The following GPR176 variants were observed in gnomAD, a reference collection of about 807,000 sequenced individuals.
GPR176 encodes the protein G-protein coupled receptor 176.
A neutral mutation model predicts 35.4 loss-of-function variants in GPR176; 26 were observed. The ratio of observed to expected loss-of-function variants is 0.74; its 90% CI spans 0.54 to 1.02. The LOEUF is 1.02. Among genes scored for constraint, GPR176 ranks in the 50% least tolerant of loss-of-function variants. The pLI is 0.00. For missense variants in GPR176, 597 were observed against 665.3 expected, an observed-to-expected ratio of 0.90 and a Z score of 1.13; for synonymous variants, 278 against 271.3, an observed-to-expected ratio of 1.02 and a Z score of -0.24.
At chr15:39,898,106 TATC>T (rs763971333) in intron 1 of GPR176, among the ~76,000 whole-genome samples, 1 of 152,102 alleles carries the variant, frequency 6.6e-6, no homozygotes, top group Non-Finnish European at 1.5e-5. Context: ...TAAAACTTAT[TATC>T]TTTATTTTAT....
chr15:39,802,339 G>T, intron 2 of GPR176, 85 bp from the exon 3 acceptor site: 1 of 1,066,030 alleles, frequency 9.4e-7, no homozygotes, highest in Non-Finnish European at 1.3e-6. Flanking sequence ...AGATGAGAGG[G>T]AAGAAAGGTC....
At chr15:39,898,271 CTT>C (rs1461885430) in intron 1 of GPR176, among the ~76,000 whole-genome samples, 3 of 151,894 alleles carry the variant, frequency 2.0e-5, no homozygotes, top group African/African-American at 7.3e-5. Context: ...TTTACGGTGA[CTT>C]TGCCAAGTTA....
At chr15:39,883,371 C>T (rs1595504636) in intron 1 of GPR176, among the ~76,000 whole-genome samples, 1 of 152,000 alleles carries the variant, frequency 6.6e-6, no homozygotes, top group East Asian at 1.9e-4. Context: ...AATTTTCAAG[C>T]ATGCTTTTTA....
At chr15:39,895,113 G>A (rs564951440) in intron 1 of GPR176, among the ~76,000 whole-genome samples, 1 of 152,182 alleles carries the variant, frequency 6.6e-6, no homozygotes, top group African/African-American at 2.4e-5. Flanking sequence ...GCAGGTACTC[G>A]GCAGGCTGAG....
chr15:39,806,969 T>TAA, intron 2 of GPR176, 37 bp downstream of exon 2: 10 of 1,413,850 alleles, frequency 7.1e-6, no homozygotes, highest in South Asian at 1.4e-5. Flanking sequence ...TAATACAACT[T>TAA]AAAAAAAAAA....
At chr15:39,870,087 T>C (rs891182603) in intron 1 of GPR176, among the ~76,000 whole-genome samples, 9 of 152,194 alleles carry the variant, frequency 5.9e-5, no homozygotes, top group Non-Finnish European at 8.8e-5. Context: ...TCCTTGCTGT[T>C]CTGCTTCTGA....
intron 1 of GPR176, among the ~76,000 whole-genome samples, chr15:39,828,280 G>C (rs1900820237): frequency 6.6e-6 from 1 of 152,210 alleles, no homozygotes; most frequent in Non-Finnish European, 1.5e-5. Context: ...GTCTGTGTGG[G>C]AAAGGCAGGA....
Position 39,801,216 on chromosome 15 carries a change from CT to C in GPR176, c.1463del (p.Gln488ArgfsTer7). On this transcript the variant is annotated frameshift_variant, in exon 3 of 3. Transcript: ENST00000561100. LOFTEE classifies it high-confidence loss of function. ...PLGNTPEELI[Q>X]TKVPKVGRVE... ...CCCTGCCTACCTTGGGCACCTTTGT[CT>C]GGATCAGCTCTTCTGGGGTGTTGCC... The C allele has an allele frequency of 6.2e-7, 1 of 1,614,172 alleles. No homozygotes were observed. Among genetic ancestry groups the C allele is most frequent in the Non-Finnish European group, 8.5e-7 (1 of 1,179,992 alleles).
At chr15:39,820,597 T>C (rs1361648930) in intron 1 of GPR176, among the ~76,000 whole-genome samples, 1 of 152,176 alleles carries the variant, frequency 6.6e-6, no homozygotes. Flanking sequence ...TAGTAATATA[T>C]ATAATTCTAG....
At chr15:39,807,722 T>C (rs1899292857) in intron 1 of GPR176, 8 of 597,592 alleles carry the variant, frequency 1.3e-5, no homozygotes, top group Admixed American at 5.4e-5. Context: ...ATTTTAATAA[T>C]ATTTTTTATT....
chr15:39,881,073 C>A (rs2032456760), intron 1 of GPR176, among the ~76,000 whole-genome samples: 1 of 152,084 alleles, frequency 6.6e-6, no homozygotes, highest in Non-Finnish European at 1.5e-5. Context: ...TTTCTGCCCA[C>A]CCCTCCAGCC....
intron 1 of GPR176, among the ~76,000 whole-genome samples, chr15:39,894,289 G>C (rs2033012331): frequency 9.1e-6 from 1 of 110,166 alleles, no homozygotes; most frequent in Non-Finnish European, 2.2e-5. Flanking sequence ...TCCCGGACGG[G>C]GCGGCTGGCC....
At position 39,816,370 on chromosome 15, in the gene GPR176, T is replaced by C. The variant is rs147868607; in HGVS notation, c.173-9112A>G. ...CATTATACACCTATTTCAAAATACA[T>C]GTTGTACAACACAGATATATACCAT... On this transcript the variant is annotated intron_variant, in intron 1 of 2. Coordinates refer to ENST00000561100, the MANE Select transcript of GPR176 (RefSeq NM_007223.3). Among the ~76,000 whole-genome samples, 3 of 152,248 alleles carry C rather than the reference T, an allele frequency of 2.0e-5. No individual in the cohort carries two copies. The East Asian group carries it at 5.8e-4, about 29-fold the overall frequency.
intron 1 of GPR176, among the ~76,000 whole-genome samples, chr15:39,914,865 G>A (rs1179615637): frequency 1.3e-5 from 2 of 152,154 alleles, no homozygotes; most frequent in African/African-American, 2.4e-5. Flanking sequence ...AATATCAAAA[G>A]CACAAGTATA....
intron 1 of GPR176, among the ~76,000 whole-genome samples, chr15:39,818,361 G>A (rs1187849765): frequency 2.0e-4 from 31 of 152,212 alleles, no homozygotes; most frequent in Non-Finnish European, 1.3e-4. Context: ...AAGAAGCTAT[G>A]TAGTAAGTTC....
intron 1 of GPR176, among the ~76,000 whole-genome samples, chr15:39,828,045 ATTTG>A (rs1201338298): frequency 1.3e-5 from 2 of 152,228 alleles, no homozygotes; most frequent in African/African-American, 4.8e-5. Context: ...GTGTGACTTA[ATTTG>A]TTTATGAAAT....
At chr15:39,834,157 C>T (rs1467218160) in intron 1 of GPR176, among the ~76,000 whole-genome samples, 1 of 152,178 alleles carries the variant, frequency 6.6e-6, no homozygotes, top group Non-Finnish European at 1.5e-5. Context: ...TAACAAATCA[C>T]AGGCAAAATT....
intron 1 of GPR176, among the ~76,000 whole-genome samples, chr15:39,824,103 G>A (rs1900465662): frequency 6.6e-6 from 1 of 152,162 alleles, no homozygotes; most frequent in Non-Finnish European, 1.5e-5. Context: ...ACAAGAATTG[G>A]TTGTTTAAAA....
At chr15:39,862,849 C>CATATAT (rs71426356) in intron 1 of GPR176, among the ~76,000 whole-genome samples, 221 of 151,094 alleles carry the variant, frequency 1.5e-3, no homozygotes, top group African/African-American at 4.6e-3. Flanking sequence ...GAGTGTATCT[C>CATATAT]ATATATATAT....
Sources: gnomAD v4.1 joint callset for allele counts (sites outside exome capture counted in the v4.1 genomes callset) on GRCh38, gnomAD v4.1.1 for gene constraint, MANE v1.5 for transcripts, NCBI Gene and HGNC (gene_info 2026-07-23, HGNC 2026-07-21) for gene names.